GPALPP1: variants seen among roughly 807,000 people sequenced by gnomAD.
The protein encoded by GPALPP1 is GPALPP motifs containing 1.
In GPALPP1, 30 loss-of-function variants were observed where a neutral mutation model predicts 38.9. The observed-to-expected ratio is 0.77, with a 90% CI of 0.58 to 1.05. GPALPP1 has a LOEUF of 1.05. Ranked by LOEUF, GPALPP1 falls within the 50% of genes least tolerant of loss-of-function variation. The probability of loss-of-function intolerance (pLI) is 0.00; values close to 1 mark genes in which losing one functional copy is unlikely to be tolerated. For synonymous variants in GPALPP1, 120 were observed against 139.2 expected (o/e 0.86, Z 0.97); for missense variants, 384 against 408.8 (o/e 0.94, Z 0.52).
At chr13:45,012,969 G>A (rs934321253) in intron 4 of GPALPP1, among the ~76,000 whole-genome samples, 2 of 152,146 alleles carry the variant, frequency 1.3e-5, no homozygotes, top group Admixed American at 6.5e-5. Context: ...GGGAGGTAGT[G>A]TATCAGCTGA....
downstream of GPALPP1, chr13:45,031,424 T>C (rs1420199250): frequency 1.3e-5 from 2 of 152,228 alleles, no homozygotes; most frequent in Non-Finnish European, 2.9e-5. Flanking sequence ...GAAATTTGCA[T>C]TTTTTAAAGT....
chr13:45,034,687 G>C (rs1876340767), downstream of GPALPP1: 1 of 151,088 alleles, frequency 6.6e-6, no homozygotes, highest in Non-Finnish European at 1.5e-5. Context: ...GGAGGTGAAA[G>C]GAAGCTTCCT....
At chr13:45,004,485 T>C in intron 2 of GPALPP1, 48 bp downstream of exon 2, 1 of 1,429,664 alleles carries the variant, frequency 7.0e-7, no homozygotes, top group South Asian at 1.2e-5. Context: ...TCAGAGCTAG[T>C]ATAAGTTGGC....
rs552643389 is a variant in GPALPP1 at position 45,027,738 on chromosome 13, C to T, written c.805-47C>T. ...TTCATGGTCATATTCTGTCAATAAT[C>T]TATATACAAACTATAGTTTTTATTT... On this transcript the variant is annotated intron_variant, in intron 7 of 7. Coordinates refer to ENST00000379151, the MANE Select transcript of GPALPP1 (RefSeq NM_018559.5). The T allele has an allele frequency of 1.5e-4, 129 of 868,012 alleles. 1 individual carries two copies. In the East Asian group the frequency reaches 3.1e-3, roughly 21 times the overall value. The allele number at this position is 868,012 out of a possible 1,614,324, so 53.8% of individuals were successfully genotyped here.
exon 8 of GPALPP1, chr13:45,036,421 G>C (rs969814009): frequency 3.9e-5 from 6 of 152,200 alleles, no homozygotes; most frequent in African/African-American, 1.4e-4. Context: ...GAAAAGGCAG[G>C]GAGCACAAAA....
rs1378854191 is a variant in GPALPP1, at chr13:45,019,006, T to G, written c.706-1324T>G. Among the ~76,000 whole-genome samples, 443 of 74,794 alleles carry G rather than the reference T, an allele frequency of 5.9e-3. 24 individuals carry two copies. Among genetic ancestry groups the G allele is most frequent in the Admixed American group, 0.015 (87 of 5,712 alleles). The allele number at this position is 74,794 out of a possible 152,430, so 49.1% of individuals were successfully genotyped here. A position where few individuals can be genotyped will look rare whatever the true frequency, so the allele number is the denominator to read the frequency against. ...ATATACATATAAATATATATACATA[T>G]AAATATATATACACATATAAATATA... On this transcript the variant is annotated intron_variant, in intron 6 of 7. Coordinates refer to ENST00000379151, the MANE Select transcript of GPALPP1 (RefSeq NM_018559.5).
rs376741006 is a variant in GPALPP1, at chr13:45,028,025, A to G, written c.*22A>G. On this transcript the variant is annotated 3_prime_UTR_variant, in exon 8 of 8. Transcript: ENST00000379151. ...ATAAGTAAGTATATTTCAGTGAGGTATATTTTAATACTGATCAATGTGAAC... is the reference window on the plus strand; with the variant it reads ...ATAAGTAAGTATATTTCAGTGAGGTGTATTTTAATACTGATCAATGTGAAC... 3 of 1,206,964 alleles carry G rather than the reference A, an allele frequency of 2.5e-6. No individual in the cohort carries two copies. Among genetic ancestry groups the G allele is most frequent in the Non-Finnish European group, 3.7e-6 (3 of 813,410 alleles). 74.8% of individuals were successfully genotyped at this position (1,206,964 alleles called of 1,614,324 possible).
chr13:45,006,722 C>G (rs540556183), intron 3 of GPALPP1, among the ~76,000 whole-genome samples: 1 of 152,238 alleles, frequency 6.6e-6, no homozygotes, highest in African/African-American at 2.4e-5. Flanking sequence ...GACAATTGGA[C>G]TAACTTCTCT....
intron 1 of GPALPP1, 65 bp downstream of exon 1, chr13:44,989,807 G>T (rs1392694639): frequency 1.2e-5 from 15 of 1,292,658 alleles, no homozygotes; most frequent in Admixed American, 5.4e-5. Flanking sequence ...GGCCCTGCTC[G>T]CTGAAGAAAG....
intron 1 of GPALPP1, among the ~76,000 whole-genome samples, chr13:44,998,917 G>T (rs979500035): frequency 4.6e-5 from 7 of 152,190 alleles, no homozygotes; most frequent in African/African-American, 1.7e-4. Flanking sequence ...ACAGATTTTG[G>T]TAGCTGCAAA....
chr13:45,024,164 T>A (rs1004103422), intron 7 of GPALPP1, among the ~76,000 whole-genome samples: 2 of 35,688 alleles, frequency 5.6e-5, no homozygotes, highest in African/African-American at 1.3e-4. Context: ...TGTGTGTGTG[T>A]GTGTGTGTGT....
chr13:45,019,024 T>G lies in GPALPP1; in HGVS notation c.706-1306T>G, dbSNP rs371059880. 7.9e-5 allele frequency among the ~76,000 whole-genome samples: 9 copies of G among 114,200 alleles called. 2 individuals carry two copies. Among genetic ancestry groups the G allele is most frequent in the African/African-American group, 3.5e-4 (9 of 25,896 alleles). The allele number at this position is 114,200 out of a possible 152,430, so 74.9% of individuals were successfully genotyped here. On this transcript the variant is annotated intron_variant, in intron 6 of 7. Coordinates refer to ENST00000379151, the MANE Select transcript of GPALPP1 (RefSeq NM_018559.5). Reference sequence around the variant, plus strand: ...ATACATATAAATATATATACACATATAAATATATACATAGAAATATATAAA... The same window carrying G: ...ATACATATAAATATATATACACATAGAAATATATACATAGAAATATATAAA...
intron 1 of GPALPP1, among the ~76,000 whole-genome samples, chr13:44,991,653 T>G (rs1220197391): frequency 6.6e-6 from 1 of 152,244 alleles, no homozygotes. Context: ...ATCTGGATTT[T>G]TAAGAAGTTT....
At chr13:45,008,916 G>C (rs374897923) in intron 4 of GPALPP1, 37 bp downstream of exon 4, 79 of 1,201,140 alleles carry the variant, frequency 6.6e-5, no homozygotes, top group Non-Finnish European at 9.6e-5. Context: ...GGTTTGGAAA[G>C]TTTTCATTGA....
chr13:45,022,587 A>G (rs1163845994), intron 7 of GPALPP1, among the ~76,000 whole-genome samples: 1 of 152,200 alleles, frequency 6.6e-6, no homozygotes, highest in Non-Finnish European at 1.5e-5. Context: ...TATTCAAAGT[A>G]TTAATATAGT....
At chr13:45,027,715 C>T in intron 7 of GPALPP1, 70 bp from the exon 8 acceptor site, 1 of 734,260 alleles carries the variant, frequency 1.4e-6, no homozygotes, top group Non-Finnish European at 2.3e-6. Flanking sequence ...TATTCCGTTT[C>T]ATGGTCATAT....
intron 4 of GPALPP1, 104 bp downstream of exon 4, chr13:45,008,983 A>G (rs1460680264): frequency 1.4e-6 from 1 of 723,810 alleles, no homozygotes; most frequent in East Asian, 2.7e-5. Context: ...TACTACAACC[A>G]CTGGACTCAA....
At chr13:45,000,068 T>C (rs1873560173) in intron 1 of GPALPP1, among the ~76,000 whole-genome samples, 1 of 152,200 alleles carries the variant, frequency 6.6e-6, no homozygotes, top group Non-Finnish European at 1.5e-5. Context: ...CTGCTTATTA[T>C]CTTTTTAAAA....
In GPALPP1 at chr13:44,989,569, C is replaced by T. The variant is rs2137935898; in HGVS notation, c.-86C>T. 2.0e-6 allele frequency: 3 copies of T among 1,491,338 alleles called. No individual in the cohort carries two copies. The highest frequency in any genetic ancestry group is 2.3e-5 in the East Asian group (1 of 44,090). 92.4% of individuals were successfully genotyped at this position (1,491,338 alleles called of 1,614,324 possible). On this transcript the variant is annotated 5_prime_UTR_variant, in exon 1 of 8. Coordinates refer to ENST00000379151, the MANE Select transcript of GPALPP1 (RefSeq NM_018559.5). ...TCTCGGCGCCGGGAAACCTGCCATTCTTCGCTGCTGATCGCGGGATTCTTT... is the reference window on the plus strand; with the variant it reads ...TCTCGGCGCCGGGAAACCTGCCATTTTTCGCTGCTGATCGCGGGATTCTTT...
Sources: allele counts gnomAD v4.1 joint callset (sites outside exome capture counted in the v4.1 genomes callset), GRCh38; gene constraint gnomAD v4.1.1; transcripts MANE v1.5; gene names NCBI Gene and HGNC (gene_info 2026-07-23, HGNC 2026-07-21).